Variants in KCNIP4 observed in about 807,000 individuals in gnomAD.
The protein encoded by KCNIP4 is Kv channel-interacting protein 4.
A neutral mutation model predicts 34.0 loss-of-function variants in KCNIP4; 12 were observed. The ratio of observed to expected loss-of-function variants is 0.35; its 90% CI spans 0.23 to 0.57. The LOEUF (loss-of-function observed/expected upper bound fraction) is 0.57, where lower values mean the gene tolerates loss of function less well. Among genes scored for constraint, KCNIP4 ranks in the 20% least tolerant of loss-of-function variants. The probability of loss-of-function intolerance (pLI) is 0.83; values close to 1 mark genes in which losing one functional copy is unlikely to be tolerated. For missense variants in KCNIP4, 238 were observed against 311.7 expected (o/e 0.76, Z 1.78); for synonymous variants, 124 against 102.2 (o/e 1.21, Z -1.29).
intron 1 of KCNIP4, among the ~76,000 whole-genome samples, chr4:20,992,901 A>T (rs2149707954): frequency 6.6e-6 from 1 of 151,812 alleles, no homozygotes; most frequent in Middle Eastern, 3.4e-3. Context: ...GGCGGTGGGC[A>T]CCTGTAATCC....
chr4:20,850,630 C>T lies in KCNIP4; in HGVS notation c.201G>A (p.Arg67=), dbSNP rs775286510. The change falls in exon 3 of 9, where the codon AGG becomes AGA. Residue 67 remains arginine (R), a synonymous_variant. Transcript: ENST00000382152. ...GAAGCTCAAGGGCTTCAGGCCGATG[C>T]CTGACGGTGGCCATCTCCAGTTCAT... ...VEDELEMATV[R]HRPEALELLE... is the part of the protein sequence containing the mutation. The T allele has an allele frequency of 1.9e-6, 3 of 1,612,506 alleles. No homozygotes were observed. Among genetic ancestry groups the T allele is most frequent in the South Asian group, 2.2e-5 (2 of 91,016 alleles).
chr4:21,076,839 G>C (rs1424272788), intron 1 of KCNIP4, among the ~76,000 whole-genome samples: 1 of 152,068 alleles, frequency 6.6e-6, no homozygotes. Flanking sequence ...AGAAGTGTTG[G>C]GGGCTGGGTG....
chr4:21,363,092 GA>G (rs1719392601), intron 1 of KCNIP4, among the ~76,000 whole-genome samples: 1 of 152,024 alleles, frequency 6.6e-6, no homozygotes, highest in Non-Finnish European at 1.5e-5. Context: ...TTGCAAATGA[GA>G]AAACAGAGCC....
intron 1 of KCNIP4, among the ~76,000 whole-genome samples, chr4:21,371,391 G>A (rs1056525536): frequency 2.7e-5 from 4 of 146,302 alleles, no homozygotes; most frequent in Non-Finnish European, 5.9e-5. Context: ...GATGTGTGCT[G>A]GCAGACACCT....
In KCNIP4 at chr4:21,455,808, CATATATATATAT is replaced by C. The variant is rs1171436191; in HGVS notation, c.61+492751_61+492762del. Among the ~76,000 whole-genome samples the C allele has an allele frequency of 3.3e-3, 234 of 71,884 alleles. 1 individual carries two copies. Among genetic ancestry groups the C allele is most frequent in the East Asian group, 0.018 (34 of 1,878 alleles). 47.2% of individuals were successfully genotyped at this position (71,884 alleles called of 152,430 possible). A position where few individuals can be genotyped will look rare whatever the true frequency, so the allele number is the denominator to read the frequency against. On this transcript the variant is annotated intron_variant, in intron 1 of 8. Transcript: ENST00000382152. ...TTAATGTGATAGTCTTACAGATATT[CATATATATATAT>C]ATATATATATATATATATATATATA...
chr4:20,924,004 A>G (rs2149590162), intron 1 of KCNIP4, among the ~76,000 whole-genome samples: 1 of 152,284 alleles, frequency 6.6e-6, no homozygotes, highest in African/African-American at 2.4e-5. Flanking sequence ...CTCCTATCCC[A>G]TACAGAGAGT....
At chr4:21,877,383 A>G (rs1366785133) in intron 1 of KCNIP4, among the ~76,000 whole-genome samples, 1 of 151,164 alleles carries the variant, frequency 6.6e-6, no homozygotes, top group Non-Finnish European at 1.5e-5. Context: ...AATAAATAAA[A>G]CCAAACACTG....
At chr4:20,918,313 T>G (rs1012438245) in intron 1 of KCNIP4, among the ~76,000 whole-genome samples, 1 of 152,108 alleles carries the variant, frequency 6.6e-6, no homozygotes, top group Non-Finnish European at 1.5e-5. Context: ...AGGTCCATAT[T>G]CCTCTTTATT....
intron 1 of KCNIP4, among the ~76,000 whole-genome samples, chr4:21,600,720 T>C (rs1249307175): frequency 1.3e-5 from 2 of 152,110 alleles, no homozygotes; most frequent in African/African-American, 4.8e-5. Context: ...ACACTTTCGA[T>C]TTCCCCATGG....
chr4:21,416,963 T>C (rs1725000581), intron 1 of KCNIP4, among the ~76,000 whole-genome samples: 1 of 152,208 alleles, frequency 6.6e-6, no homozygotes, highest in Non-Finnish European at 1.5e-5. Context: ...GCTTTTCTCA[T>C]GTGAAATTGT....
At chr4:21,525,987 A>T (rs1028922076) in intron 1 of KCNIP4, among the ~76,000 whole-genome samples, 1 of 135,230 alleles carries the variant, frequency 7.4e-6, no homozygotes, top group African/African-American at 2.5e-5. Flanking sequence ...CAAAAACATT[A>T]TCCAATTTTT....
At chr4:21,441,561 A>G (rs1449092324) in intron 1 of KCNIP4, among the ~76,000 whole-genome samples, 1 of 152,198 alleles carries the variant, frequency 6.6e-6, no homozygotes, top group Non-Finnish European at 1.5e-5. Flanking sequence ...AAAGTCAAAA[A>G]GCACAGAATT....
chr4:20,976,958 C>T (rs1042359088), intron 1 of KCNIP4, among the ~76,000 whole-genome samples: 6 of 151,990 alleles, frequency 3.9e-5, no homozygotes, highest in Admixed American at 1.3e-4. Flanking sequence ...CTCAGCCTCC[C>T]GAGTAGCTGG....
At chr4:21,812,349 T>A (rs1363871070) in intron 1 of KCNIP4, among the ~76,000 whole-genome samples, 5 of 152,148 alleles carry the variant, frequency 3.3e-5, no homozygotes, top group African/African-American at 1.2e-4. Context: ...ATGGTGGGAA[T>A]CCAGGCACAG....
At chr4:21,915,848 C>T (rs1013015877) in intron 1 of KCNIP4, among the ~76,000 whole-genome samples, 10 of 150,742 alleles carry the variant, frequency 6.6e-5, no homozygotes, top group Non-Finnish European at 1.5e-4. Flanking sequence ...GTGCTCTCCA[C>T]CATATTAATG....
chr4:21,768,504 C>T (rs1718570397), intron 1 of KCNIP4, among the ~76,000 whole-genome samples: 1 of 152,238 alleles, frequency 6.6e-6, no homozygotes, highest in Non-Finnish European at 1.5e-5. Flanking sequence ...CCAAGTCTCG[C>T]TCCTCATTTT....
chr4:21,454,064 A>G (rs930284741), intron 1 of KCNIP4, among the ~76,000 whole-genome samples: 1 of 152,084 alleles, frequency 6.6e-6, no homozygotes, highest in African/African-American at 2.4e-5. Context: ...TTGTTGTTAC[A>G]GTTGGCCCAG....
intron 1 of KCNIP4, among the ~76,000 whole-genome samples, chr4:21,263,586 C>G (rs1446849256): frequency 6.6e-6 from 1 of 152,192 alleles, no homozygotes; most frequent in Non-Finnish European, 1.5e-5. Context: ...CAAATCGGCA[C>G]CACCACTTTC....
intron 1 of KCNIP4, among the ~76,000 whole-genome samples, chr4:21,518,384 C>A (rs1485240405): frequency 6.6e-6 from 1 of 152,122 alleles, no homozygotes; most frequent in Non-Finnish European, 1.5e-5. Context: ...TTTGCATTTT[C>A]TCTACAGTGG....
Sources: allele counts gnomAD v4.1 joint callset (sites outside exome capture counted in the v4.1 genomes callset), GRCh38; gene constraint gnomAD v4.1.1; transcripts MANE v1.5; gene names NCBI Gene and HGNC (gene_info 2026-07-23, HGNC 2026-07-21).